GRB14: variants seen among roughly 807,000 people sequenced by gnomAD.
GRB14 encodes growth factor receptor bound protein 14, also known as growth factor receptor-bound protein 14.
A neutral mutation model predicts 69.1 loss-of-function variants in GRB14; 38 were observed. The observed-to-expected ratio is 0.55, with a 90% CI of 0.42 to 0.72. The LOEUF is 0.72. GRB14 is among the 30% of genes least tolerant of loss of function. GRB14 has a pLI of 0.00. For synonymous variants in GRB14, 247 were observed against 241.3 expected (o/e 1.02, Z -0.22); for missense variants, 666 against 666.1 (o/e 1.00, Z 0.00).
intron 2 of GRB14, among the ~76,000 whole-genome samples, chr2:164,601,739 T>C (rs372674617): frequency 2.0e-5 from 3 of 152,166 alleles, no homozygotes; most frequent in African/African-American, 4.8e-5. Context: ...GTACGATATA[T>C]GCACCCTTAT....
chr2:164,595,422 A>G (rs1422524061), intron 2 of GRB14, among the ~76,000 whole-genome samples: 1 of 152,216 alleles, frequency 6.6e-6, no homozygotes, highest in African/African-American at 2.4e-5. Flanking sequence ...AGGCCTAAGG[A>G]GTATGTGATT....
intron 2 of GRB14, among the ~76,000 whole-genome samples, chr2:164,558,831 G>T (rs978345028): frequency 2.0e-5 from 3 of 152,182 alleles, no homozygotes; most frequent in African/African-American, 7.2e-5. Flanking sequence ...TAAGTGTTTA[G>T]AAGAGAGGGA....
At chr2:164,606,203 T>C (rs1038575901) in intron 2 of GRB14, among the ~76,000 whole-genome samples, 1 of 152,148 alleles carries the variant, frequency 6.6e-6, no homozygotes, top group African/African-American at 2.4e-5. Context: ...TATGCATATA[T>C]GCATCTTATA....
intron 3 of GRB14, among the ~76,000 whole-genome samples, chr2:164,531,744 G>T (rs949316167): frequency 6.6e-6 from 1 of 152,108 alleles, no homozygotes; most frequent in African/African-American, 2.4e-5. Flanking sequence ...GGTCCCAAGT[G>T]ACCCCATATC....
At chr2:164,540,169 A>T (rs1438055022) in intron 3 of GRB14, among the ~76,000 whole-genome samples, 1 of 152,146 alleles carries the variant, frequency 6.6e-6, no homozygotes, top group Non-Finnish European at 1.5e-5. Context: ...CCTGAACACA[A>T]GCACACTGCC....
At chr2:164,605,486 C>T (rs1690022198) in intron 2 of GRB14, among the ~76,000 whole-genome samples, 2 of 151,958 alleles carry the variant, frequency 1.3e-5, no homozygotes, top group South Asian at 4.2e-4. Flanking sequence ...CAATTGAGGC[C>T]GTGGAGGTAG....
chr2:164,543,402 C>T (rs146952789), intron 3 of GRB14, among the ~76,000 whole-genome samples: 99 of 152,096 alleles, frequency 6.5e-4, no homozygotes, highest in African/African-American at 2.3e-3. Flanking sequence ...AATAAAGCCA[C>T]ACTCCTACAG....
chr2:164,599,177 G>C (rs757175139), intron 2 of GRB14, among the ~76,000 whole-genome samples: 6 of 152,226 alleles, frequency 3.9e-5, no homozygotes, highest in Admixed American at 2.0e-4. Context: ...ACGGTGCCTC[G>C]ATATAGTCAG....
intron 2 of GRB14, chr2:164,568,396 G>T (rs1689037871): frequency 3.1e-6 from 4 of 1,282,664 alleles, no homozygotes; most frequent in Non-Finnish European, 4.1e-6. Flanking sequence ...TTCTTAGAAT[G>T]ATCCTGTCTC....
At chr2:164,555,944 A>G (rs907942029) in intron 2 of GRB14, among the ~76,000 whole-genome samples, 4 of 146,178 alleles carry the variant, frequency 2.7e-5, no homozygotes, top group African/African-American at 8.3e-5. Context: ...TAGATAGGCA[A>G]TGTACTAATA....
At chr2:164,567,962 T>C (rs1042860145) in intron 2 of GRB14, among the ~76,000 whole-genome samples, 18 of 151,908 alleles carry the variant, frequency 1.2e-4, no homozygotes, top group African/African-American at 4.4e-4. Flanking sequence ...TAAACAAATA[T>C]AAGACATAAC....
intron 3 of GRB14, among the ~76,000 whole-genome samples, chr2:164,540,592 G>A (rs1688208300): frequency 1.3e-5 from 2 of 152,126 alleles, no homozygotes; most frequent in Admixed American, 1.3e-4. Context: ...CTGGGGAGCA[G>A]AGTGAGACTC....
chr2:164,600,636 T>C (rs1467877334), intron 2 of GRB14, among the ~76,000 whole-genome samples: 1 of 152,162 alleles, frequency 6.6e-6, no homozygotes, highest in Non-Finnish European at 1.5e-5. Flanking sequence ...TGCACTTGTA[T>C]CAAATACTCT....
chr2:164,527,042 G>A lies in GRB14; in HGVS notation c.575C>T (p.Ala192Val). 1.3e-6 allele frequency: 2 copies of A among 1,597,490 alleles called. No homozygotes were observed. The highest frequency in any genetic ancestry group is 1.7e-6 in the Non-Finnish European group (2 of 1,168,160). ...ENKLYFRKNY[A>V]KYEFFKNPMY... ...TGGGTTTTTAAAGAACTCATATTTG[G>A]CATAATTTTTTCTAAAGTATAGTTT... The change falls in exon 4 of 14, where the codon GCC becomes GTC. Residue 192 changes from alanine (A) to valine (V), a missense_variant. Coordinates refer to ENST00000263915, the MANE Select transcript of GRB14 (RefSeq NM_004490.3).
intron 3 of GRB14, among the ~76,000 whole-genome samples, chr2:164,538,113 C>T (rs1167031113): frequency 6.6e-6 from 1 of 152,078 alleles, no homozygotes; most frequent in Admixed American, 6.5e-5. Flanking sequence ...CATAGCTGCA[C>T]ACATTAAAAT....
At chr2:164,555,317 G>A (rs1019386105) in intron 2 of GRB14, among the ~76,000 whole-genome samples, 7 of 152,190 alleles carry the variant, frequency 4.6e-5, no homozygotes, top group African/African-American at 1.7e-4. Context: ...TGCCATGACT[G>A]GAAAGTCATT....
In GRB14 at chr2:164,527,148, T is replaced by C. The variant is rs766575138; in HGVS notation, c.482-13A>G. 7.2e-7 allele frequency: 1 copy of C among 1,380,394 alleles called. No individual in the cohort carries two copies. Among genetic ancestry groups the C allele is most frequent in the Non-Finnish European group, 1.0e-6 (1 of 1,001,872 alleles). 85.5% of individuals were successfully genotyped at this position (1,380,394 alleles called of 1,614,324 possible). ...TCTATTGTTCTTTCTGTAAAGAATG[T>C]TTCAATGAGTATGTTGACAGATAGA... is the stretch of plus-strand genomic sequence containing the variant. On this transcript the variant is annotated splice_polypyrimidine_tract_variant and intron_variant, in intron 3 of 13. Transcript: ENST00000263915.
At chr2:164,608,142 C>T (rs552631784) in intron 2 of GRB14, among the ~76,000 whole-genome samples, 2 of 152,096 alleles carry the variant, frequency 1.3e-5, no homozygotes, top group African/African-American at 2.4e-5. Context: ...GAGGCCGAGG[C>T]GGGCAGATCA....
chr2:164,618,443 G>C (rs930720065), intron 2 of GRB14, among the ~76,000 whole-genome samples: 2 of 152,104 alleles, frequency 1.3e-5, no homozygotes, highest in Admixed American at 6.6e-5. Context: ...GGTCTCAAGA[G>C]AGTCTCCTCT....
Sources: allele counts gnomAD v4.1 joint callset (sites outside exome capture counted in the v4.1 genomes callset), GRCh38; gene constraint gnomAD v4.1.1; transcripts MANE v1.5; gene names NCBI Gene and HGNC (gene_info 2026-07-23, HGNC 2026-07-21).